ZNF761: variants seen among roughly 807,000 people sequenced by gnomAD.
ZNF761 encodes the protein zinc finger protein 761.
A neutral mutation model predicts 59.9 loss-of-function variants in ZNF761; 43 were observed. The observed-to-expected ratio is 0.72, with a 90% CI of 0.56 to 0.92. ZNF761 has a LOEUF of 0.92. Ranked by LOEUF, ZNF761 falls within the 40% of genes least tolerant of loss-of-function variation. ZNF761 has a pLI of 0.00. For synonymous variants in ZNF761, 294 were observed against 304.8 expected, an observed-to-expected ratio of 0.96 and a Z score of 0.37; for missense variants, 850 against 906.1, an observed-to-expected ratio of 0.94 and a Z score of 0.79.
chr19:53,451,292 C>T (rs1282128750), intron 4 of ZNF761, among the ~76,000 whole-genome samples: 1 of 152,200 alleles, frequency 6.6e-6, no homozygotes, highest in African/African-American at 2.4e-5. Flanking sequence ...GTCACTCCAA[C>T]CTCCAACTCC....
At chr19:53,432,755 A>G (rs969716732) in intron 1 of ZNF761, among the ~76,000 whole-genome samples, 10 of 152,290 alleles carry the variant, frequency 6.6e-5, no homozygotes, top group Non-Finnish European at 1.3e-4. Flanking sequence ...AAAGTAGAGG[A>G]TGGGTGAGGG....
At position 53,447,073 on chromosome 19, in the gene ZNF761, G is replaced by A. The variant is rs566591737; in HGVS notation, c.-73-123G>A. ...TTTCCTGTGGCAGTTTATCATCCCT[G>A]GTGCAGTGGGCAGCAGACGGGACCA... On this transcript the variant is annotated intron_variant, in intron 2 of 4. Coordinates refer to ENST00000684525, the MANE Select transcript of ZNF761 (RefSeq NM_001289951.2). 153 of 552,720 alleles carry A rather than the reference G, an allele frequency of 2.8e-4. 1 individual carries two copies. The South Asian group carries it at 3.3e-3, about 12-fold the overall frequency. The allele number at this position is 552,720 out of a possible 1,614,324, so 34.2% of individuals were successfully genotyped here.
rs1406243426 is a variant in ZNF761, at chr19:53,457,190, T to C, written c.*442T>C. ...ATGATTGTCACAAAGTCTTCAGTAATGCTACAACCATTGTGAATCACTGGA... is the reference window on the plus strand; with the variant it reads ...ATGATTGTCACAAAGTCTTCAGTAACGCTACAACCATTGTGAATCACTGGA... On this transcript the variant is annotated 3_prime_UTR_variant, in exon 5 of 5. Coordinates refer to ENST00000684525, the MANE Select transcript of ZNF761 (RefSeq NM_001289951.2). 2 of 503,582 alleles carry C rather than the reference T, an allele frequency of 4.0e-6. No homozygotes were observed. Among genetic ancestry groups the C allele is most frequent in the East Asian group, 1.1e-4 (2 of 18,976 alleles). The allele number at this position is 503,582 out of a possible 1,614,324, so 31.2% of individuals were successfully genotyped here. A position where few individuals can be genotyped will look rare whatever the true frequency, so the allele number is the denominator to read the frequency against.
In ZNF761 at chr19:53,457,259, C is replaced by T; in HGVS notation, c.*511C>T. The T allele has an allele frequency of 2.3e-6, 1 of 427,172 alleles. No individual in the cohort carries two copies. Among genetic ancestry groups the T allele is most frequent in the South Asian group, 1.9e-5 (1 of 53,144 alleles). The allele number at this position is 427,172 out of a possible 1,614,324, so 26.5% of individuals were successfully genotyped here. The stretch of plus-strand genomic sequence containing the variant: ...GATCATACTAGGGTAATAAATGTGG[C>T]AGATTTTTCAGACATTGTTCATACC... On this transcript the variant is annotated 3_prime_UTR_variant, in exon 5 of 5. Transcript: ENST00000684525.
rs533503474 is a variant in ZNF761, at chr19:53,456,892, G to A, written c.*144G>A. The A allele has an allele frequency of 5.3e-6, 5 of 952,288 alleles. No homozygotes were observed. The East Asian group carries it at 1.2e-4, about 24-fold the overall frequency. The allele number at this position is 952,288 out of a possible 1,614,324, so 59.0% of individuals were successfully genotyped here. A position where few individuals can be genotyped will look rare whatever the true frequency, so the allele number is the denominator to read the frequency against. Reference sequence around the variant, plus strand: ...CTCAGAAGACAGGAGAATTCATACTGGAGAGAAAGCTTATAAATGTGAAGA... The same window carrying A: ...CTCAGAAGACAGGAGAATTCATACTAGAGAGAAAGCTTATAAATGTGAAGA... On this transcript the variant is annotated 3_prime_UTR_variant, in exon 5 of 5. Transcript: ENST00000684525.
intron 1 of ZNF761, among the ~76,000 whole-genome samples, chr19:53,432,398 C>T (rs1383013398): frequency 1.3e-5 from 2 of 152,184 alleles, no homozygotes; most frequent in South Asian, 2.1e-4. Context: ...GGAAAGGCCG[C>T]GTCCTCTGCC....
At position 53,449,626 on chromosome 19, in the gene ZNF761, C is replaced by G. The variant is rs2086198277; in HGVS notation, c.130C>G (p.Leu44Val). Residue 44 changes from leucine (L) to valine (V), a missense_variant, in exon 4 of 5, where the codon CTG (leucine) becomes GTG (valine). Physicochemically the swap from Leu to Val is conservative, Grantham distance 32. Transcript: ENST00000684525. Reference protein sequence around the residue: ...RDVMLENYRNLVSLDISSKCT... With the variant: ...RDVMLENYRNVVSLDISSKCT... ...CGTGATGCTGGAGAATTATAGGAAC[C>G]TGGTCTCCCTGGGTGAGGATAACTT... 3.7e-6 allele frequency: 6 copies of G among 1,608,650 alleles called. No homozygotes were observed. Among genetic ancestry groups the G allele is most frequent in the Admixed American group, 1.7e-5 (1 of 59,338 alleles).
At chr19:53,449,780 C>T in intron 4 of ZNF761, 142 bp downstream of exon 4, 1 of 1,484,314 alleles carries the variant, frequency 6.7e-7, no homozygotes, top group Non-Finnish European at 9.0e-7. Context: ...TCTTGAATTC[C>T]TTGGCTCAAG....
At chr19:53,452,074 C>A (rs528497464) in intron 4 of ZNF761, among the ~76,000 whole-genome samples, 1 of 152,126 alleles carries the variant, frequency 6.6e-6, no homozygotes, top group African/African-American at 2.4e-5. Context: ...ACTGGCCACC[C>A]GAGGTGGCTC....
chr19:53,449,375 G>A (rs1392751822), intron 3 of ZNF761, 137 bp from the exon 4 acceptor site: 23 of 1,597,710 alleles, frequency 1.4e-5, no homozygotes, highest in Middle Eastern at 1.7e-4. Context: ...GACAAAATGC[G>A]GTGAAAAATC....
Position 53,450,043 on chromosome 19 carries a change from G to A in ZNF761, c.142+405G>A, listed in dbSNP as rs113909765. On this transcript the variant is annotated intron_variant, in intron 4 of 4. Transcript: ENST00000684525. Reference sequence around the variant, plus strand: ...TGTGTGGCCGGGCTTGGTGGCTCACGCCTGTAATCCCAGCACTTTGGGAGG... The same window carrying A: ...TGTGTGGCCGGGCTTGGTGGCTCACACCTGTAATCCCAGCACTTTGGGAGG... 1,618 of 411,112 alleles carry A rather than the reference G, an allele frequency of 3.9e-3. 18 individuals carry two copies. Among genetic ancestry groups the A allele is most frequent in the African/African-American group, 0.026 (1,278 of 48,380 alleles). The allele number at this position is 411,112 out of a possible 1,614,324, so 25.5% of individuals were successfully genotyped here. A position where few individuals can be genotyped will look rare whatever the true frequency, so the allele number is the denominator to read the frequency against.
intron 2 of ZNF761, among the ~76,000 whole-genome samples, chr19:53,446,903 T>C (rs545243146): frequency 6.6e-6 from 1 of 152,252 alleles, no homozygotes; most frequent in East Asian, 1.9e-4. Flanking sequence ...ATGACAGGCA[T>C]GAGGCACCAG....
At chr19:53,446,093 C>G (rs1188364975) in intron 1 of ZNF761, 134 bp from the exon 2 acceptor site, 1 of 163,886 alleles carries the variant, frequency 6.1e-6, no homozygotes, top group Non-Finnish European at 1.3e-5. Context: ...CAGGTCTAGG[C>G]TCAGAGATGT....
At chr19:53,432,182 T>A (rs2085977515) in intron 1 of ZNF761, among the ~76,000 whole-genome samples, 154 bp downstream of exon 1, 2 of 152,238 alleles carry the variant, frequency 1.3e-5, no homozygotes, top group Non-Finnish European at 2.9e-5. Context: ...CGTGGGTCGG[T>A]TCCTTTTGGG....
chr19:53,437,190 C>T (rs541096143), intron 1 of ZNF761, among the ~76,000 whole-genome samples: 175 of 151,996 alleles, frequency 1.2e-3, no homozygotes, highest in African/African-American at 4.0e-3. Context: ...TGTTGGCAGG[C>T]GCCTGTAATC....
chr19:53,435,728 C>CT (rs2147120886), intron 1 of ZNF761, among the ~76,000 whole-genome samples: 1 of 152,112 alleles, frequency 6.6e-6, no homozygotes, highest in East Asian at 1.9e-4. Context: ...TCTATAGTTG[C>CT]TTCTTCTACC....
chr19:53,450,607 T>TTTTG (rs1362245155), intron 4 of ZNF761, among the ~76,000 whole-genome samples: 2 of 152,186 alleles, frequency 1.3e-5, no homozygotes, highest in African/African-American at 2.4e-5. Flanking sequence ...TATTTACTTC[T>TTTTG]TTTGTTTGTT....
intron 1 of ZNF761, among the ~76,000 whole-genome samples, chr19:53,437,384 T>A (rs1464074103): frequency 1.3e-5 from 2 of 152,220 alleles, no homozygotes; most frequent in African/African-American, 4.8e-5. Flanking sequence ...TATGATTTTC[T>A]TGATGGATTT....
chr19:53,456,356 C>T lies in ZNF761; in HGVS notation c.1849C>T (p.Arg617Trp), dbSNP rs555044044. 3.2e-5 allele frequency: 52 copies of T among 1,613,492 alleles called. No homozygotes were observed. The South Asian group carries it at 4.9e-4, about 15-fold the overall frequency. ...KCNECGKTFS[R>W]TSSLTCHRRL... ...TAATGAGTGTGGCAAGACCTTCAGT[C>T]GGACGTCATCCCTTACATGCCATCG... Residue 617 changes from arginine (R) to tryptophan (W), a missense_variant, in exon 5 of 5, where the codon CGG becomes TGG. Physicochemically the swap from Arg to Trp is moderately radical, Grantham distance 101. Coordinates refer to ENST00000684525, the MANE Select transcript of ZNF761 (RefSeq NM_001289951.2).
Sources: gnomAD v4.1 joint callset for allele counts (sites outside exome capture counted in the v4.1 genomes callset) on GRCh38, gnomAD v4.1.1 for gene constraint, MANE v1.5 for transcripts, NCBI Gene and HGNC (gene_info 2026-07-23, HGNC 2026-07-21) for gene names.